MAF: variants seen among roughly 807,000 people sequenced by gnomAD.
MAF encodes transcription factor Maf.
In MAF, 10 loss-of-function variants were observed where a neutral mutation model predicts 22.0. That is an observed-to-expected ratio of 0.45 (90% confidence interval 0.28 to 0.77). The LOEUF (loss-of-function observed/expected upper bound fraction) is 0.77. Ranked by LOEUF, MAF falls within the 30% of genes least tolerant of loss-of-function variation. The pLI, the probability that MAF is intolerant of heterozygous loss-of-function variation, is 0.12. For missense variants in MAF, 544 were observed against 548.4 expected, an observed-to-expected ratio of 0.99 and a Z score of 0.08; for synonymous variants, 337 against 255.8, an observed-to-expected ratio of 1.32 and a Z score of -3.03.
the MAF span, among the ~76,000 whole-genome samples, chr16:79,495,487 C>T: frequency 6.6e-6 from 1 of 152,222 alleles, no homozygotes; most frequent in East Asian, 1.9e-4. Flanking sequence ...CACCTTACTT[C>T]TATCACTCAG....
the MAF span, among the ~76,000 whole-genome samples, chr16:79,418,180 C>A: frequency 3.9e-5 from 6 of 152,280 alleles, no homozygotes; most frequent in African/African-American, 9.6e-5. Context: ...AACACAGGCT[C>A]CAGCGCGGCT....
chr16:79,230,430 G>A, the MAF span, among the ~76,000 whole-genome samples: 5 of 152,280 alleles, frequency 3.3e-5, no homozygotes, highest in South Asian at 4.1e-4. Context: ...GATAAACGAA[G>A]CCCAGCCTAG....
the MAF span, among the ~76,000 whole-genome samples, chr16:79,356,492 G>A: frequency 6.6e-6 from 1 of 151,974 alleles, no homozygotes; most frequent in Non-Finnish European, 1.5e-5. Flanking sequence ...CCTTCCTCAC[G>A]TGCCTTCCAT....
chr16:79,550,711 G>C, the MAF span, among the ~76,000 whole-genome samples: 5 of 152,180 alleles, frequency 3.3e-5, no homozygotes, highest in African/African-American at 1.2e-4. Context: ...AATTTGCCTA[G>C]TTTGGGTATG....
chr16:79,255,093 C>G, the MAF span, among the ~76,000 whole-genome samples: 2 of 152,226 alleles, frequency 1.3e-5, no homozygotes, highest in African/African-American at 4.8e-5. Context: ...CGTCTTCTCT[C>G]TAAACACACC....
the MAF span, among the ~76,000 whole-genome samples, chr16:79,261,561 T>C: frequency 6.6e-6 from 1 of 152,176 alleles, no homozygotes; most frequent in African/African-American, 2.4e-5. Flanking sequence ...ATCCAAATAA[T>C]CCGGGGGACT....
the MAF span, among the ~76,000 whole-genome samples, chr16:79,247,824 T>C: frequency 2.0e-5 from 3 of 152,228 alleles, no homozygotes; most frequent in Non-Finnish European, 4.4e-5. Context: ...GATACTGTCA[T>C]AGCACATCCA....
At chr16:79,552,868 G>C in the MAF span, among the ~76,000 whole-genome samples, 1 of 152,204 alleles carries the variant, frequency 6.6e-6, no homozygotes, top group Non-Finnish European at 1.5e-5. Context: ...CCAGAGCTAT[G>C]ATTCTAATGC....
At chr16:79,278,489 A>T in the MAF span, among the ~76,000 whole-genome samples, 2 of 152,144 alleles carry the variant, frequency 1.3e-5, no homozygotes, top group Non-Finnish European at 2.9e-5. Flanking sequence ...TTTTCCATCA[A>T]CTTGTTCTCT....
At chr16:79,402,337 G>C in the MAF span, among the ~76,000 whole-genome samples, 8 of 152,230 alleles carry the variant, frequency 5.3e-5, no homozygotes, top group African/African-American at 1.7e-4. Context: ...GAAGGAGAGA[G>C]AAAGCGAGCA....
At chr16:79,275,904 G>C in the MAF span, among the ~76,000 whole-genome samples, 1 of 152,162 alleles carries the variant, frequency 6.6e-6, no homozygotes, top group African/African-American at 2.4e-5. Flanking sequence ...CACTTTGGGA[G>C]GTCGAGGCAG....
the MAF span, among the ~76,000 whole-genome samples, chr16:79,322,799 C>T: frequency 1.3e-4 from 20 of 152,064 alleles, 1 homozygote; most frequent in African/African-American, 4.8e-4. Context: ...GAATGTCACC[C>T]TGTAGTCAGC....
At chr16:79,441,486 A>G in the MAF span, among the ~76,000 whole-genome samples, 3 of 152,250 alleles carry the variant, frequency 2.0e-5, no homozygotes, top group African/African-American at 7.2e-5. Flanking sequence ...CACAGACAAC[A>G]GGTGAATACA....
chr16:79,383,919 C>T, the MAF span, among the ~76,000 whole-genome samples: 1 of 152,072 alleles, frequency 6.6e-6, no homozygotes, highest in Non-Finnish European at 1.5e-5. Flanking sequence ...CTTTTCCCCC[C>T]AAAAGTACAA....
At chr16:79,276,148 AAAAAG>A in the MAF span, among the ~76,000 whole-genome samples, 1 of 37,050 alleles carries the variant, frequency 2.7e-5, no homozygotes, top group African/African-American at 5.6e-5. Context: ...TCAAAGAAAA[AAAAAG>A]AAAGAAAGAA....
At chr16:79,566,858 G>A in the MAF span, among the ~76,000 whole-genome samples, 1 of 152,224 alleles carries the variant, frequency 6.6e-6, no homozygotes, top group Admixed American at 6.5e-5. Context: ...CTCTTTGGCT[G>A]CTGAAGCTTT....
At chr16:79,372,682 G>A in the MAF span, among the ~76,000 whole-genome samples, 1 of 152,166 alleles carries the variant, frequency 6.6e-6, no homozygotes, top group South Asian at 2.1e-4. Context: ...CAGTTATTGA[G>A]AAATTTCATG....
At chr16:79,466,966 C>T in the MAF span, among the ~76,000 whole-genome samples, 1 of 152,190 alleles carries the variant, frequency 6.6e-6, no homozygotes, top group Non-Finnish European at 1.5e-5. Context: ...GAGCTTGAGG[C>T]CTGCCTAATT....
the MAF span, among the ~76,000 whole-genome samples, chr16:79,233,963 G>T: frequency 6.7e-6 from 1 of 149,676 alleles, no homozygotes; most frequent in East Asian, 1.9e-4. Flanking sequence ...CTGCACTCCA[G>T]TCTGGGCGAA....
Sources: gnomAD v4.1 joint callset for allele counts (sites outside exome capture counted in the v4.1 genomes callset) on GRCh38, gnomAD v4.1.1 for gene constraint, MANE v1.5 for transcripts, NCBI Gene and HGNC (gene_info 2026-07-23, HGNC 2026-07-21) for gene names.